The following ADGRL2 variants were observed in gnomAD, a reference collection of about 807,000 sequenced individuals.
ADGRL2 encodes adhesion G protein-coupled receptor L2.
Under a neutral mutation model 157.4 loss-of-function variants are expected in ADGRL2, and 44 were observed. The ratio of observed to expected loss-of-function variants is 0.28; its 90% CI spans 0.22 to 0.36. The LOEUF is 0.36. Ranked by LOEUF, ADGRL2 falls within the 10% of genes least tolerant of loss-of-function variation. The probability of loss-of-function intolerance (pLI) is 1.00; values close to 1 mark genes in which losing one functional copy is unlikely to be tolerated. For missense variants in ADGRL2, 1,510 were observed against 1,768.9 expected, an observed-to-expected ratio of 0.85 and a Z score of 2.63; for synonymous variants, 585 against 624.7, an observed-to-expected ratio of 0.94 and a Z score of 0.95.
chr1:81,572,331 G>A (rs995873041), intron 2 of ADGRL2, among the ~76,000 whole-genome samples: 9 of 152,070 alleles, frequency 5.9e-5, no homozygotes, highest in East Asian at 1.9e-4. Context: ...CCAAACAAAC[G>A]TTTATTCATT....
intron 3 of ADGRL2, among the ~76,000 whole-genome samples, chr1:81,935,476 T>A (rs1380080081): frequency 6.6e-6 from 1 of 151,958 alleles, no homozygotes; most frequent in African/African-American, 2.4e-5. Context: ...TAGTTTTGAG[T>A]TGAAATGGCA....
At chr1:81,820,966 A>G (rs1000895740) in intron 1 of ADGRL2, among the ~76,000 whole-genome samples, 9 of 152,108 alleles carry the variant, frequency 5.9e-5, no homozygotes, top group African/African-American at 2.2e-4. Context: ...CAGCTTTAAG[A>G]GGAAGTCAGT....
chr1:81,749,546 T>G lies in ADGRL2; in HGVS notation c.-142-12265T>G, dbSNP rs113217031. 5.5e-3 allele frequency among the ~76,000 whole-genome samples: 844 copies of G among 152,328 alleles called. 7 individuals are homozygous for G. Among genetic ancestry groups the G allele is most frequent in the African/African-American group, 0.019 (788 of 41,580 alleles). ...GTAAGCTCCATCAGGACAGGAACTT[T>G]GAGAGATTTTTATTTTCTTGAACAG... On this transcript the variant is annotated intron_variant, in intron 1 of 20. Transcript: ENST00000359929.
intron 2 of ADGRL2, among the ~76,000 whole-genome samples, chr1:81,472,824 TTTGC>T (rs1213784940): frequency 6.6e-6 from 1 of 152,204 alleles, no homozygotes; most frequent in Non-Finnish European, 1.5e-5. Context: ...TCTTTTTCTC[TTTGC>T]TTGCCTTTCC....
chr1:81,401,432 A>G (rs1167540582), intron 1 of ADGRL2, among the ~76,000 whole-genome samples: 1 of 152,194 alleles, frequency 6.6e-6, no homozygotes, highest in African/African-American at 2.4e-5. Flanking sequence ...AGCTGCGGGA[A>G]GATGTGGTGG....
At chr1:81,386,437 C>T (rs1489320363) in intron 1 of ADGRL2, among the ~76,000 whole-genome samples, 1 of 152,060 alleles carries the variant, frequency 6.6e-6, no homozygotes, top group Non-Finnish European at 1.5e-5. Flanking sequence ...TTCTTCCTCC[C>T]CTATTTATTA....
Position 81,426,820 on chromosome 1 carries a change from C to T in ADGRL2, c.-301-18216C>T, listed in dbSNP as rs150682326. The T allele has an allele frequency of 7.3e-3, 3,795 of 521,950 alleles. 68 individuals are homozygous for T. The highest frequency in any genetic ancestry group is 0.048 in the Admixed American group (2,187 of 45,524). 32.3% of individuals were successfully genotyped at this position (521,950 alleles called of 1,614,324 possible). On this transcript the variant is annotated intron_variant, in intron 1 of 24. Coordinates refer to the ADGRL2 transcript ENST00000370721. ...GGAGTCGATAAAGCCTGATGCCCAT[C>T]TACCAGTGAAGAAAAATTTCCTTGG...
chr1:81,408,583 T>C (rs1428352391), intron 1 of ADGRL2, among the ~76,000 whole-genome samples: 6 of 152,124 alleles, frequency 3.9e-5, no homozygotes, highest in Non-Finnish European at 7.4e-5. Context: ...TTAGAAAAAA[T>C]AGAAGGCATA....
At chr1:81,692,560 C>T (rs1013303265) in intron 3 of ADGRL2, among the ~76,000 whole-genome samples, 1 of 151,984 alleles carries the variant, frequency 6.6e-6, no homozygotes, top group South Asian at 2.1e-4. Context: ...CACAAGTAGG[C>T]TTGTGCAAAA....
chr1:81,980,225 T>C lies in ADGRL2; in HGVS notation c.3113+265T>C, dbSNP rs554201719. ...TCACTGTAGCAATTTCATTTGAATT[T>C]AAAATGCAGTTCAAAATGATTTTCG... On this transcript the variant is annotated intron_variant, in intron 18 of 23. Transcript: ENST00000686636. Among the ~76,000 whole-genome samples the C allele has an allele frequency of 2.0e-5, 3 of 151,894 alleles. No homozygotes were observed. The South Asian group carries it at 6.2e-4, about 31-fold the overall frequency.
intron 2 of ADGRL2, among the ~76,000 whole-genome samples, chr1:81,454,994 A>C (rs1421559915): frequency 2.0e-5 from 3 of 152,188 alleles, no homozygotes; most frequent in African/African-American, 7.2e-5. Context: ...GCAAGCCCAA[A>C]GATCCGTTAG....
At chr1:81,466,267 C>G (rs1458465725) in intron 2 of ADGRL2, among the ~76,000 whole-genome samples, 4 of 152,158 alleles carry the variant, frequency 2.6e-5, no homozygotes, top group Non-Finnish European at 4.4e-5. Flanking sequence ...AATTTCCCAG[C>G]CAGCAAAAGG....
chr1:81,358,825 T>A (rs12046661), intron 1 of ADGRL2, among the ~76,000 whole-genome samples: 20,746 of 152,112 alleles, frequency 0.14, 1,662 homozygotes, highest in East Asian at 0.2. Context: ...CACAAACTTA[T>A]AATTAGAAAT....
chr1:81,323,411 A>ATTTTTTT (rs138358062), intron 1 of ADGRL2, among the ~76,000 whole-genome samples: 2 of 109,744 alleles, frequency 1.8e-5, no homozygotes, highest in African/African-American at 3.6e-5. Context: ...GACTAATTCA[A>ATTTTTTT]TTTTTTTTTT....
intron 3 of ADGRL2, among the ~76,000 whole-genome samples, chr1:81,933,912 G>C (rs535901975): frequency 2.1e-4 from 32 of 151,792 alleles, no homozygotes; most frequent in Non-Finnish European, 2.4e-4. Context: ...ACCCTTAACT[G>C]TTTTAGCTCT....
chr1:81,328,963 C>CAAA (rs34963278), intron 1 of ADGRL2, among the ~76,000 whole-genome samples: 2 of 142,098 alleles, frequency 1.4e-5, no homozygotes, highest in African/African-American at 5.2e-5. Context: ...ACATGATCTA[C>CAAA]AAAAAAAAAA....
At chr1:81,839,907 T>TA (rs1557748845) in intron 2 of ADGRL2, among the ~76,000 whole-genome samples, 12 of 136,362 alleles carry the variant, frequency 8.8e-5, no homozygotes, top group African/African-American at 3.4e-4. Flanking sequence ...ATATATATAT[T>TA]TTCCATCATA....
intron 2 of ADGRL2, among the ~76,000 whole-genome samples, chr1:81,838,373 A>T (rs566579144): frequency 1.3e-4 from 20 of 152,242 alleles, no homozygotes; most frequent in African/African-American, 4.8e-4. Flanking sequence ...CACACTTGGC[A>T]GTTACAATCT....
intron 2 of ADGRL2, among the ~76,000 whole-genome samples, chr1:81,457,462 G>A (rs1227664576): frequency 6.6e-6 from 1 of 151,828 alleles, no homozygotes; most frequent in Non-Finnish European, 1.5e-5. Context: ...TTCTTTTTTA[G>A]TAGTGTTATC....
Sources: allele counts gnomAD v4.1 joint callset (sites outside exome capture counted in the v4.1 genomes callset), GRCh38; gene constraint gnomAD v4.1.1; transcripts MANE v1.5; gene names NCBI Gene and HGNC (gene_info 2026-07-23, HGNC 2026-07-21).